PRKN: variants seen among roughly 807,000 people sequenced by gnomAD.
PRKN encodes the protein E3 ubiquitin-protein ligase parkin.
PRKN carries 56 observed loss-of-function variants against 59.5 expected under a neutral mutation model. That is an observed-to-expected ratio of 0.94 (90% CI 0.76 to 1.18). The LOEUF (loss-of-function observed/expected upper bound fraction) is 1.18, where lower values mean the gene tolerates loss of function less well. Among genes scored for constraint, PRKN ranks in the 50% most tolerant of loss-of-function variants. The pLI is 0.00. For synonymous variants in PRKN, 250 were observed against 222.1 expected (o/e 1.13, Z -1.12); for missense variants, 657 against 596.4 (o/e 1.10, Z -1.06).
At chr6:161,719,931 C>T (rs1172971950) in intron 7 of PRKN, among the ~76,000 whole-genome samples, 1 of 152,222 alleles carries the variant, frequency 6.6e-6, no homozygotes, top group Non-Finnish European at 1.5e-5. Context: ...TGCACCCAGC[C>T]CGCTGTTCTA....
chr6:162,615,733 G>C (rs539655259), intron 1 of PRKN, among the ~76,000 whole-genome samples: 1 of 152,264 alleles, frequency 6.6e-6, no homozygotes, highest in Admixed American at 6.5e-5. Flanking sequence ...TGCTTTACAG[G>C]AACTGAAAAA....
chr6:161,506,134 G>T (rs919278042), intron 9 of PRKN, among the ~76,000 whole-genome samples: 7 of 151,306 alleles, frequency 4.6e-5, no homozygotes, highest in African/African-American at 1.7e-4. Flanking sequence ...CCATTTTCAC[G>T]ATATTGATTC....
At position 161,360,052 on chromosome 6, in the gene PRKN, C is replaced by T. The variant is rs769929840; in HGVS notation, c.1285+36G>A. ...GGGTATGATTCTCCCCCAAAGAGCA[C>T]ACGACATCCTCATTCTCTGCTCAGC... is the stretch of plus-strand genomic sequence containing the variant. On this transcript the variant is annotated intron_variant, in intron 11 of 11. Coordinates refer to ENST00000366898, the MANE Select transcript of PRKN (RefSeq NM_004562.3). This position sits in a 1 kb window ranked among gnomAD's most constrained non-coding sequence, Gnocchi z 5.1. The T allele has an allele frequency of 2.5e-5, 36 of 1,438,686 alleles. No homozygotes were observed. In the South Asian group the frequency reaches 3.5e-4, roughly 14 times the overall value. 89.1% of individuals were successfully genotyped at this position (1,438,686 alleles called of 1,614,324 possible).
chr6:162,407,491 G>A (rs1788131327), intron 2 of PRKN, among the ~76,000 whole-genome samples: 1 of 152,190 alleles, frequency 6.6e-6, no homozygotes, highest in Non-Finnish European at 1.5e-5. Flanking sequence ...TGTGTCAACT[G>A]AAGATCACTA....
intron 2 of PRKN, among the ~76,000 whole-genome samples, chr6:162,296,976 G>C (rs894745372): frequency 7.9e-5 from 12 of 151,952 alleles, no homozygotes; most frequent in African/African-American, 2.9e-4. Context: ...CAAATGACGT[G>C]TCCAATCATA....
intron 3 of PRKN, 76 bp downstream of exon 3, chr6:162,262,449 G>A: frequency 1.3e-6 from 2 of 1,562,088 alleles, no homozygotes; most frequent in African/African-American, 1.4e-5. Flanking sequence ...TATGCACCCG[G>A]TGAGGCCATG....
chr6:162,306,846 A>G (rs577869682), intron 2 of PRKN, among the ~76,000 whole-genome samples: 1 of 152,312 alleles, frequency 6.6e-6, no homozygotes, highest in East Asian at 1.9e-4. Flanking sequence ...GCACGCTGCC[A>G]ATGCTGAGGC....
rs182025715 is a variant in PRKN, at chr6:162,165,330, A to G, written c.534+35801T>C. Among the ~76,000 whole-genome samples, 17 of 149,454 alleles carry G rather than the reference A, an allele frequency of 1.1e-4. 1 individual carries two copies. The highest frequency in any genetic ancestry group is 3.3e-4 in the African/African-American group (13 of 39,904). On this transcript the variant is annotated intron_variant, in intron 4 of 11. Coordinates refer to ENST00000366898, the MANE Select transcript of PRKN (RefSeq NM_004562.3). ...TTAAAAAGTAATAAACTTAGAAATTAAAACATCTGTTCATAAAAAATATGA... is the reference window on the plus strand; with the variant it reads ...TTAAAAAGTAATAAACTTAGAAATTGAAACATCTGTTCATAAAAAATATGA...
intron 2 of PRKN, among the ~76,000 whole-genome samples, chr6:162,405,678 T>C (rs1012783783): frequency 2.0e-5 from 3 of 150,326 alleles, no homozygotes; most frequent in Non-Finnish European, 4.5e-5. Flanking sequence ...ATGGTGTCCT[T>C]ATAGGAAGGC....
chr6:161,673,335 T>C (rs979221576), intron 7 of PRKN, among the ~76,000 whole-genome samples: 1 of 152,142 alleles, frequency 6.6e-6, no homozygotes, highest in Non-Finnish European at 1.5e-5. Context: ...GATGATAAAG[T>C]TGCTTTTCAG....
rs1052950993 is a variant in PRKN at position 161,458,122 on chromosome 6, G to A, written c.1084-71245C>T. Among the ~76,000 whole-genome samples, 5 of 152,146 alleles carry A rather than the reference G, an allele frequency of 3.3e-5. No homozygotes were observed. The highest frequency in any genetic ancestry group is 1.2e-4 in the African/African-American group (5 of 41,442). ...CTCTTTGTACATTCAGATTCCTTTAGCTTGAAAGAAAAAGGGTAGCCTCCT... is the reference window on the plus strand; with the variant it reads ...CTCTTTGTACATTCAGATTCCTTTAACTTGAAAGAAAAAGGGTAGCCTCCT... On this transcript the variant is annotated intron_variant, in intron 9 of 11. Coordinates refer to ENST00000366898, the MANE Select transcript of PRKN (RefSeq NM_004562.3). The surrounding 1 kb of genome is among the most constrained non-coding windows in gnomAD (Gnocchi z 6.1).
At chr6:162,628,170 G>A (rs2128222083) in intron 1 of PRKN, among the ~76,000 whole-genome samples, 1 of 152,194 alleles carries the variant, frequency 6.6e-6, no homozygotes, top group Middle Eastern at 3.4e-3. Flanking sequence ...AGAGAAAAAA[G>A]GTCGTTTCTG....
intron 6 of PRKN, among the ~76,000 whole-genome samples, chr6:161,938,965 T>C (rs1389206994): frequency 6.6e-6 from 1 of 152,256 alleles, no homozygotes; most frequent in African/African-American, 2.4e-5. Context: ...ATCTTTGATG[T>C]GTTCATTTAT....
intron 1 of PRKN, among the ~76,000 whole-genome samples, chr6:162,588,013 GTTTT>G (rs71004102): frequency 7.3e-6 from 1 of 136,664 alleles, no homozygotes; most frequent in African/African-American, 2.7e-5. Context: ...GAGTTTTTGA[GTTTT>G]TTTTTTTTTT....
Position 161,518,088 on chromosome 6 carries a change from C to T in PRKN, c.1083+30766G>A, listed in dbSNP as rs1188333482. On this transcript the variant is annotated intron_variant, in intron 9 of 11. Transcript: ENST00000366898. This position sits in a 1 kb window ranked among gnomAD's most constrained non-coding sequence, Gnocchi z 5.0. ...GGCTTCTATGAGGGCATGTGCGAGT[C>T]TAGCTCTCCAGATACCTTAGATGAA... 6.6e-6 allele frequency among the ~76,000 whole-genome samples: 1 copy of T among 152,192 alleles called. No individual in the cohort carries two copies. The highest frequency in any genetic ancestry group is 1.5e-5 in the Non-Finnish European group (1 of 68,028).
intron 2 of PRKN, among the ~76,000 whole-genome samples, chr6:162,374,584 G>A (rs1371521570): frequency 6.6e-6 from 1 of 151,750 alleles, no homozygotes; most frequent in African/African-American, 2.4e-5. Flanking sequence ...GGATAGGTGA[G>A]AGGGTGACCC....
At chr6:162,027,144 A>C (rs1035529826) in intron 5 of PRKN, among the ~76,000 whole-genome samples, 4 of 152,178 alleles carry the variant, frequency 2.6e-5, no homozygotes, top group African/African-American at 4.8e-5. Context: ...TGCTCTCCCC[A>C]AAACCCATGT....
intron 2 of PRKN, among the ~76,000 whole-genome samples, chr6:162,427,700 C>A (rs1789306766): frequency 6.7e-6 from 1 of 149,214 alleles, no homozygotes; most frequent in Admixed American, 6.7e-5. Flanking sequence ...GGCTGGACTG[C>A]AGTGGCGCAA....
At chr6:162,694,236 C>CAAAAAAAAAAAA (rs149337714) in intron 1 of PRKN, among the ~76,000 whole-genome samples, 6 of 93,500 alleles carry the variant, frequency 6.4e-5, no homozygotes, top group East Asian at 3.2e-4. Flanking sequence ...AACAGTGAGA[C>CAAAAAAAAAAAA]AAAAAAAAAA....
Sources: allele counts gnomAD v4.1 joint callset (sites outside exome capture counted in the v4.1 genomes callset), GRCh38; gene constraint gnomAD v4.1.1; non-coding constraint Gnocchi (gnomAD v3.1); transcripts MANE v1.5; gene names NCBI Gene and HGNC (gene_info 2026-07-23, HGNC 2026-07-21).